Variants in MAML1 observed in about 807,000 individuals in gnomAD.
The protein encoded by MAML1 is mastermind like transcriptional coactivator 1, also known as mastermind-like protein 1.
A neutral mutation model predicts 77.1 loss-of-function variants in MAML1; 14 were observed. The ratio of observed to expected loss-of-function variants is 0.18; its 90% CI spans 0.12 to 0.28. The LOEUF (loss-of-function observed/expected upper bound fraction) is 0.28. Ranked by LOEUF, MAML1 falls within the 10% of genes least tolerant of loss-of-function variation. The probability of loss-of-function intolerance (pLI) is 1.00; values close to 1 mark genes in which losing one functional copy is unlikely to be tolerated. For missense variants in MAML1, 1,217 were observed against 1,327.8 expected, an observed-to-expected ratio of 0.92 and a Z score of 1.30; for synonymous variants, 516 against 551.9, an observed-to-expected ratio of 0.93 and a Z score of 0.91.
chr5:179,770,348 C>G (rs567116488), intron 3 of MAML1, among the ~76,000 whole-genome samples: 2 of 151,962 alleles, frequency 1.3e-5, no homozygotes, highest in East Asian at 3.9e-4. Context: ...CTCGGGAGGC[C>G]GAGGCAGGAG....
chr5:179,763,270 AT>A (rs1779754816), intron 1 of MAML1, among the ~76,000 whole-genome samples: 1 of 152,268 alleles, frequency 6.6e-6, no homozygotes, highest in Non-Finnish European at 1.5e-5. Flanking sequence ...AACTTTTCAA[AT>A]AATGGCTTTT....
intron 1 of MAML1, among the ~76,000 whole-genome samples, chr5:179,753,232 CGCGCGCGT>C (rs1562559834): frequency 2.7e-5 from 4 of 147,582 alleles, no homozygotes; most frequent in African/African-American, 1.0e-4. Context: ...TGCGCGCGCG[CGCGCGCGT>C]GCTGGGGTGA....
intron 1 of MAML1, among the ~76,000 whole-genome samples, chr5:179,756,183 T>C (rs1204075054): frequency 1.3e-5 from 2 of 151,044 alleles, no homozygotes; most frequent in East Asian, 2.0e-4. Flanking sequence ...CCCAGCACTT[T>C]TGGAGGCCGA....
At chr5:179,755,697 T>C (rs1779598343) in intron 1 of MAML1, among the ~76,000 whole-genome samples, 1 of 150,426 alleles carries the variant, frequency 6.6e-6, no homozygotes, top group Non-Finnish European at 1.5e-5. Context: ...GATTTATGCA[T>C]GGACCTTTTT....
intron 1 of MAML1, among the ~76,000 whole-genome samples, chr5:179,757,904 TCTTTAAAAA>T (rs1382073230): frequency 6.6e-6 from 1 of 152,230 alleles, no homozygotes; most frequent in Non-Finnish European, 1.5e-5. Context: ...TAAAAAAATC[TCTTTAAAAA>T]CTTTCCATCG....
rs1403796913 is a variant in MAML1 at position 179,769,108 on chromosome 5, G to A, written c.1971+19G>A. 7.4e-6 allele frequency: 12 copies of A among 1,612,690 alleles called. No individual in the cohort carries two copies. In the African/African-American group the frequency reaches 1.1e-4, roughly 14 times the overall value. On this transcript the variant is annotated intron_variant, in intron 3 of 4. Coordinates refer to ENST00000292599, the MANE Select transcript of MAML1 (RefSeq NM_014757.5). The surrounding 1 kb of genome is among the most constrained non-coding windows in gnomAD (Gnocchi z 4.2). The stretch of plus-strand genomic sequence containing the variant: ...GGAACAGGTAAAAAGAAAAGTGGAA[G>A]GAAACCACCGCTTCCCACCTTTGCC...
intron 1 of MAML1, among the ~76,000 whole-genome samples, chr5:179,755,710 T>C (rs1779598917): frequency 6.6e-6 from 1 of 152,102 alleles, no homozygotes; most frequent in Admixed American, 6.5e-5. Flanking sequence ...ACCTTTTTTT[T>C]TTTTTAAGCT....
intron 1 of MAML1, among the ~76,000 whole-genome samples, chr5:179,764,762 G>T (rs531039615): frequency 2.0e-5 from 3 of 152,138 alleles, no homozygotes; most frequent in Admixed American, 6.5e-5. Flanking sequence ...AGGAGTTTGT[G>T]ACCAGCCTGG....
chr5:179,739,535 C>CT (rs1235655093), intron 1 of MAML1, among the ~76,000 whole-genome samples: 3 of 152,070 alleles, frequency 2.0e-5, no homozygotes, highest in African/African-American at 7.2e-5. Context: ...GATGTCATCT[C>CT]TATAAAAGCA....
At chr5:179,755,291 A>C (rs1013173343) in intron 1 of MAML1, among the ~76,000 whole-genome samples, 2 of 152,210 alleles carry the variant, frequency 1.3e-5, no homozygotes, top group African/African-American at 2.4e-5. Context: ...CAAAAAGACA[A>C]AGAACAGAGT....
Position 179,769,550 on chromosome 5 carries a change from GTGAGAGTT to G in MAML1, c.1971+462_1971+469del, listed in dbSNP as rs1755928172. On this transcript the variant is annotated intron_variant, in intron 3 of 4. Transcript: ENST00000292599. The surrounding 1 kb of genome is among the most constrained non-coding windows in gnomAD (Gnocchi z 4.2). The stretch of plus-strand genomic sequence containing the variant: ...AGTGTGCAGGCACTAAGGGTTACAA[GTGAGAGTT>G]CTTTTTTTTTTTTGGAGACAGAGTC... Among the ~76,000 whole-genome samples, 1 of 151,714 alleles carries G rather than the reference GTGAGAGTT, an allele frequency of 6.6e-6. No homozygotes were observed. The highest frequency in any genetic ancestry group is 2.4e-5 in the African/African-American group (1 of 41,138).
chr5:179,766,119 C>T lies in MAML1; in HGVS notation c.1109C>T (p.Ala370Val). The T allele has an allele frequency of 6.3e-7, 1 of 1,578,070 alleles. No homozygotes were observed. The highest frequency in any genetic ancestry group is 2.2e-5 in the East Asian group (1 of 44,584). ...AACCTGATGCCGGCATCAGCCCAGG[C>T]CCAGAACGCACAAAGAGCCCTTGCA... Reference protein sequence around the residue: ...SPNLMPASAQAQNAQRALAGV... With the variant: ...SPNLMPASAQVQNAQRALAGV... The change falls in exon 2 of 5, where the codon GCC becomes GTC. Residue 370 changes from alanine (A) to valine (V), a missense_variant. By Grantham distance (64) the Ala-to-Val change is moderately conservative. Around this residue, in one of 3 missense-constraint regions of MAML1, gnomAD observed 884 missense variants for 949.3 expected, o/e 0.93. Coordinates refer to ENST00000292599, the MANE Select transcript of MAML1 (RefSeq NM_014757.5). The surrounding 1 kb of genome is among the most constrained non-coding windows in gnomAD (Gnocchi z 4.0).
At chr5:179,750,562 G>A (rs1019705675) in intron 1 of MAML1, among the ~76,000 whole-genome samples, 2 of 152,044 alleles carry the variant, frequency 1.3e-5, no homozygotes, top group African/African-American at 4.8e-5. Context: ...CCGGGCTCAA[G>A]CTATTCTCCT....
rs756245970 is a variant in MAML1, at chr5:179,768,946, C to G, written c.1828C>G (p.Pro610Ala). 3 of 1,614,194 alleles carry G rather than the reference C, an allele frequency of 1.9e-6. No homozygotes were observed. Among genetic ancestry groups the G allele is most frequent in the Non-Finnish European group, 2.5e-6 (3 of 1,180,046 alleles). ...VSVASSHNSS[P>A]YLSSQQQAAV... ...CGTGGCCAGCTCCCACAACAGCTCC[C>G]CCTATCTCAGCAGCCAGCAACAGGC... The change falls in exon 3 of 5, where the codon CCC becomes GCC. Residue 610 changes from proline to alanine, a missense_variant. Pro to Ala is a conservative substitution (Grantham distance 27, BLOSUM62 -1). Around this residue, in one of 3 missense-constraint regions of MAML1, gnomAD observed 884 missense variants for 949.3 expected, o/e 0.93. Transcript: ENST00000292599.
At position 179,775,188 on chromosome 5, in the gene MAML1, C is replaced by T; in HGVS notation, c.*311C>T. 9.2e-7 allele frequency: 1 copy of T among 1,089,702 alleles called. No homozygotes were observed. Among genetic ancestry groups the T allele is most frequent in the Non-Finnish European group, 1.1e-6 (1 of 896,568 alleles). 67.5% of individuals were successfully genotyped at this position (1,089,702 alleles called of 1,614,324 possible). A position where few individuals can be genotyped will look rare whatever the true frequency, so the allele number is the denominator to read the frequency against. ...AAACCAACAGTAACACCAGTGAAAC[C>T]CCACACTGTCGGGCTTATAAAAATC... On this transcript the variant is annotated 3_prime_UTR_variant, in exon 5 of 5. Coordinates refer to ENST00000292599, the MANE Select transcript of MAML1 (RefSeq NM_014757.5).
chr5:179,768,639 C>A (rs561408428), intron 2 of MAML1, among the ~76,000 whole-genome samples: 1 of 152,304 alleles, frequency 6.6e-6, no homozygotes, highest in Admixed American at 6.5e-5. Flanking sequence ...AAAACTAACA[C>A]CTATGGAGTA....
Position 179,769,193 on chromosome 5 carries a change from C to T in MAML1, c.1971+104C>T. ...GCTTGTGCGTGTGGATTTGCGCAGA[C>T]TTGCGTGCCTGTTGTTAGAGTGCTT... On this transcript the variant is annotated intron_variant, in intron 3 of 4. Transcript: ENST00000292599. The surrounding 1 kb of genome is among the most constrained non-coding windows in gnomAD (Gnocchi z 4.2). 1 of 1,481,774 alleles carries T rather than the reference C, an allele frequency of 6.7e-7. No individual in the cohort carries two copies. Among genetic ancestry groups the T allele is most frequent in the Admixed American group, 2.0e-5 (1 of 50,552 alleles). 91.8% of individuals were successfully genotyped at this position (1,481,774 alleles called of 1,614,324 possible).
chr5:179,739,487 A>G (rs1042263900), intron 1 of MAML1, among the ~76,000 whole-genome samples: 12 of 152,178 alleles, frequency 7.9e-5, no homozygotes, highest in Non-Finnish European at 1.8e-4. Context: ...GGATTTCTTG[A>G]GCCCAGGAGT....
intron 4 of MAML1, chr5:179,773,677 C>T: frequency 1.6e-5 from 15 of 918,492 alleles, no homozygotes; most frequent in Non-Finnish European, 2.0e-5. Context: ...GGTTTTCTCT[C>T]CCCTGGGGCT....
Sources: gnomAD v4.1 joint callset for allele counts (sites outside exome capture counted in the v4.1 genomes callset) on GRCh38, gnomAD v4.1.1 for gene constraint, gnomAD v4.1.1 regional missense constraint, Gnocchi (gnomAD v3.1) non-coding constraint, MANE v1.5 for transcripts, NCBI Gene and HGNC (gene_info 2026-07-23, HGNC 2026-07-21) for gene names.